The following FOCAD variants were observed in gnomAD, a reference collection of about 807,000 sequenced individuals.
FOCAD encodes the protein KIAA1797.
Under a neutral mutation model 225.6 loss-of-function variants are expected in FOCAD, and 198 were observed. The observed-to-expected ratio is 0.88, with a 90% confidence interval of 0.78 to 0.99. The LOEUF is 0.99. Among genes scored for constraint, FOCAD ranks in the 50% least tolerant of loss-of-function variants. The probability of loss-of-function intolerance (pLI) is 0.00; values close to 1 mark genes in which losing one functional copy is unlikely to be tolerated. For synonymous variants in FOCAD, 897 were observed against 755.0 expected, an observed-to-expected ratio of 1.19 and a Z score of -3.08; for missense variants, 2,713 against 2,123.6, an observed-to-expected ratio of 1.28 and a Z score of -5.46.
chr9:20,809,521 C>G (rs1046011753), intron 11 of FOCAD, among the ~76,000 whole-genome samples: 1 of 152,064 alleles, frequency 6.6e-6, no homozygotes, highest in Non-Finnish European at 1.5e-5. Flanking sequence ...CAACCTAGCT[C>G]TAGAATCTCT....
intron 2 of FOCAD, among the ~76,000 whole-genome samples, chr9:20,665,426 A>G (rs17831942): frequency 0.14 from 21,107 of 152,202 alleles, 1,720 homozygotes; most frequent in Non-Finnish European, 0.19. Context: ...CAGCTAATTC[A>G]TCTCTTTATC....
At chr9:20,824,199 G>C (rs991030074) in intron 15 of FOCAD, among the ~76,000 whole-genome samples, 1 of 152,028 alleles carries the variant, frequency 6.6e-6, no homozygotes, top group Non-Finnish European at 1.5e-5. Context: ...TGATTTTACT[G>C]CTTCTGTCAG....
chr9:20,720,766 T>A (rs1011015771), intron 4 of FOCAD, among the ~76,000 whole-genome samples: 1 of 152,230 alleles, frequency 6.6e-6, no homozygotes, highest in East Asian at 1.9e-4. Context: ...CTTAAATTTG[T>A]CGTTGCCCTT....
chr9:20,761,983 C>T (rs528036194), intron 6 of FOCAD, among the ~76,000 whole-genome samples: 111 of 152,124 alleles, frequency 7.3e-4, no homozygotes, highest in Non-Finnish European at 1.1e-3. Flanking sequence ...ACAGATTAAG[C>T]CAAGGGGATT....
intron 20 of FOCAD, among the ~76,000 whole-genome samples, chr9:20,882,445 C>G (rs1196387352): frequency 6.6e-6 from 1 of 152,176 alleles, no homozygotes; most frequent in African/African-American, 2.4e-5. Flanking sequence ...AGCTAAAGAG[C>G]TAGGCTGAAA....
At chr9:20,968,245 T>C (rs529163257) in intron 35 of FOCAD, among the ~76,000 whole-genome samples, 5 of 152,194 alleles carry the variant, frequency 3.3e-5, no homozygotes, top group Non-Finnish European at 7.4e-5. Context: ...TGGCATACAT[T>C]TTTTCGTAGA....
Position 20,764,973 on chromosome 9 carries a change from A to C in FOCAD, c.599A>C (p.Lys200Thr). 1.9e-6 allele frequency: 3 copies of C among 1,614,118 alleles called. No individual in the cohort carries two copies. The highest frequency in any genetic ancestry group is 2.5e-6 in the Non-Finnish European group (3 of 1,180,002). The change falls in exon 7 of 44, where the codon AAA (lysine) becomes ACA (threonine). Residue 200 changes from lysine to threonine, a missense_variant. Lys to Thr is a moderately conservative substitution (Grantham distance 78). Transcript: ENST00000338382. ...GCTAAACTCCGACTAGCCCTGCTGA[A>C]AGTCTTACTTCAACCCCAGGTTCTT... ...EYAKLRLALL[K>T]VLLQPQVLCD... is the part of the protein sequence containing the mutation.
intron 32 of FOCAD, 106 bp from the exon 33 acceptor site, chr9:20,949,498 T>G (rs1269695410): frequency 1.0e-5 from 8 of 785,874 alleles, no homozygotes; most frequent in Admixed American, 9.1e-5. Flanking sequence ...GACATAATGA[T>G]AAACTGTTTT....
chr9:20,876,175 C>G (rs776857291), intron 19 of FOCAD, among the ~76,000 whole-genome samples: 1 of 152,156 alleles, frequency 6.6e-6, no homozygotes, highest in Non-Finnish European at 1.5e-5. Context: ...CTCCTGATAT[C>G]TAGAAAGAAG....
rs1442224356 is a variant in FOCAD at position 20,926,347 on chromosome 9, T to G, written c.3008T>G (p.Leu1003Arg). 1.2e-6 allele frequency: 2 copies of G among 1,613,880 alleles called. No individual in the cohort carries two copies. Among genetic ancestry groups the G allele is most frequent in the Admixed American group, 3.3e-5 (2 of 60,026 alleles). The change falls in exon 26 of 44, where the codon CTT becomes CGT. Residue 1003 changes from leucine to arginine, a missense_variant. Leu to Arg is a moderately radical substitution (Grantham distance 102). Transcript: ENST00000338382. The stretch of plus-strand genomic sequence containing the variant: ...ATGAAAGAGTGGGTTTCCATGGTAC[T>G]TGATACACTCTTGGTCATTGTGGAT... Reference protein sequence around the residue: ...LSMKEWVSMVLDTLLVIVDSH... With the variant: ...LSMKEWVSMVRDTLLVIVDSH...
chr9:20,945,820 C>G (rs1260504392), intron 29 of FOCAD, among the ~76,000 whole-genome samples: 2 of 152,072 alleles, frequency 1.3e-5, no homozygotes, highest in East Asian at 3.8e-4. Context: ...TTAGAAACCA[C>G]TTATATTTTT....
rs140731988 is a variant in FOCAD at position 20,881,026 on chromosome 9, A to G, written c.2318-845A>G. 3.7e-3 allele frequency among the ~76,000 whole-genome samples: 559 copies of G among 152,318 alleles called. 5 individuals carry two copies. Among genetic ancestry groups the G allele is most frequent in the African/African-American group, 0.013 (526 of 41,576 alleles). ...TTATTATATAGTAAGTAAAATGTCAAATGATAAAGATCTTGGGCTTAATTA... is the reference window on the plus strand; with the variant it reads ...TTATTATATAGTAAGTAAAATGTCAGATGATAAAGATCTTGGGCTTAATTA... On this transcript the variant is annotated intron_variant, in intron 19 of 43. Coordinates refer to ENST00000338382, the MANE Select transcript of FOCAD (RefSeq NM_001375567.1).
chr9:20,852,690 A>T (rs1175557170), intron 15 of FOCAD, among the ~76,000 whole-genome samples: 1 of 151,708 alleles, frequency 6.6e-6, no homozygotes, highest in African/African-American at 2.4e-5. Flanking sequence ...TAATTCATCA[A>T]TTTTTTTGAT....
intron 2 of FOCAD, among the ~76,000 whole-genome samples, chr9:20,666,699 G>T (rs1208566899): frequency 6.6e-6 from 1 of 152,220 alleles, no homozygotes; most frequent in Admixed American, 6.5e-5. Context: ...AGATGGAAGA[G>T]AAGAGGGTGT....
rs780638479 is a variant in FOCAD, at chr9:20,944,787, G to A, written c.3555+13G>A. 1.7e-5 allele frequency: 28 copies of A among 1,601,526 alleles called. No individual in the cohort carries two copies. In the Admixed American group the frequency reaches 3.2e-4, roughly 18 times the overall value. ...AACGTTTCAGGAGGTAAGAGATGGAGGCTACATTTTTTTCCCCTCTGCTCT... is the reference window on the plus strand; with the variant it reads ...AACGTTTCAGGAGGTAAGAGATGGAAGCTACATTTTTTTCCCCTCTGCTCT... On this transcript the variant is annotated intron_variant, in intron 29 of 43. Transcript: ENST00000338382.
Position 20,936,672 on chromosome 9 carries a change from C to CA in FOCAD, c.3407+3577dup, listed in dbSNP as rs1015736854. 1.4e-4 allele frequency among the ~76,000 whole-genome samples: 22 copies of CA among 151,764 alleles called. No homozygotes were observed. In the South Asian group the frequency reaches 1.7e-3, roughly 11 times the overall value. ...TGAAACCCTGTCTCTACTAAAAATA[C>CA]AAAAAAAACAGGGATGCCCTCTCTC... On this transcript the variant is annotated intron_variant, in intron 28 of 43. Coordinates refer to ENST00000338382, the MANE Select transcript of FOCAD (RefSeq NM_001375567.1).
At chr9:20,988,231 C>T (rs997569884) in intron 40 of FOCAD, 101 bp from the exon 41 acceptor site, 12 of 640,694 alleles carry the variant, frequency 1.9e-5, no homozygotes, top group African/African-American at 1.9e-4. Flanking sequence ...TAATGGAATC[C>T]TCACCAGGTG....
intron 1 of FOCAD, among the ~76,000 whole-genome samples, chr9:20,702,428 A>G (rs1587267578): frequency 2.0e-5 from 3 of 152,170 alleles, no homozygotes; most frequent in African/African-American, 4.8e-5. Flanking sequence ...CAAAAACTTT[A>G]AGTCAACTGT....
rs1443456018 is a variant in FOCAD at position 20,923,641 on chromosome 9, T to G, written c.2853-19T>G. The G allele has an allele frequency of 1.2e-6, 2 of 1,602,486 alleles. No individual in the cohort carries two copies. The highest frequency in any genetic ancestry group is 1.1e-5 in the South Asian group (1 of 90,372). ...TTAATACCAAAGTTCTCTGTTGAAA[T>G]TTTTTTCCTTTTGAACAGGGAGAGT... On this transcript the variant is annotated intron_variant, in intron 24 of 43. Transcript: ENST00000338382.
Sources: allele counts gnomAD v4.1 joint callset (sites outside exome capture counted in the v4.1 genomes callset), GRCh38; gene constraint gnomAD v4.1.1; transcripts MANE v1.5; gene names NCBI Gene and HGNC (gene_info 2026-07-23, HGNC 2026-07-21).